LDB2: variants seen among roughly 807,000 people sequenced by gnomAD.
LDB2 encodes LIM domain binding 2, also known as LIM domain-binding protein 2.
A neutral mutation model predicts 44.3 loss-of-function variants in LDB2; 12 were observed. The ratio of observed to expected loss-of-function variants is 0.27; its 90% confidence interval spans 0.17 to 0.44. The LOEUF is 0.44. Ranked by LOEUF, LDB2 falls within the 20% of genes least tolerant of loss-of-function variation. The pLI is 1.00. For missense variants in LDB2, 344 were observed against 473.5 expected (o/e 0.73, Z 2.54); for synonymous variants, 164 against 174.8 (o/e 0.94, Z 0.49).
At chr4:16,891,417 A>G (rs138517327) in intron 1 of LDB2, among the ~76,000 whole-genome samples, 2,061 of 148,446 alleles carry the variant, frequency 0.014, 21 homozygotes, top group Middle Eastern at 0.052. Flanking sequence ...GGTTCAAACA[A>G]TTCTCCTGCC....
intron 4 of LDB2, among the ~76,000 whole-genome samples, chr4:16,586,951 A>T (rs757115818): frequency 3.9e-5 from 6 of 152,192 alleles, no homozygotes; most frequent in Non-Finnish European, 8.8e-5. Context: ...GCCTTTTCTC[A>T]TAGTGATACT....
intron 5 of LDB2, among the ~76,000 whole-genome samples, chr4:16,550,919 T>C (rs1255923216): frequency 1.3e-5 from 2 of 152,232 alleles, no homozygotes; most frequent in East Asian, 3.8e-4. Flanking sequence ...AACTCCTTGC[T>C]GTACTTAAAT....
chr4:16,518,351 G>A (rs879448176), intron 5 of LDB2, among the ~76,000 whole-genome samples: 8 of 152,130 alleles, frequency 5.3e-5, no homozygotes, highest in Non-Finnish European at 7.4e-5. Context: ...CCCAATCTAG[G>A]CTCTGTCTAC....
rs534998254 is a variant in LDB2 at position 16,614,793 on chromosome 4, G to A, written c.236-18918C>T. On this transcript the variant is annotated intron_variant, in intron 2 of 7. Transcript: ENST00000304523. ...ATTAGTAAAAAGTCAAGAAACGGCC[G>A]GGCGCGGTGGCTCACGCCTGTAATC... Among the ~76,000 whole-genome samples, 28 of 151,948 alleles carry A rather than the reference G, an allele frequency of 1.8e-4. No homozygotes were observed. The South Asian group carries it at 3.5e-3, about 19-fold the overall frequency.
At chr4:16,625,934 C>T (rs1730175386) in intron 2 of LDB2, among the ~76,000 whole-genome samples, 2 of 152,136 alleles carry the variant, frequency 1.3e-5, no homozygotes, top group South Asian at 4.1e-4. Context: ...CTGGACCATC[C>T]TGTCCAACAC....
chr4:16,681,618 CTTTTTTTTTT>C (rs536589787), intron 2 of LDB2, among the ~76,000 whole-genome samples: 1 of 61,670 alleles, frequency 1.6e-5, no homozygotes. Context: ...GTATTCTATT[CTTTTTTTTTT>C]TTTTTTTTTT....
chr4:16,677,016 T>C (rs554934717), intron 2 of LDB2, among the ~76,000 whole-genome samples: 1 of 152,274 alleles, frequency 6.6e-6, no homozygotes, highest in East Asian at 1.9e-4. Flanking sequence ...TTAAAAGCAG[T>C]GAATTTGAGA....
intron 1 of LDB2, among the ~76,000 whole-genome samples, chr4:16,829,159 A>G (rs1783598082): frequency 1.3e-5 from 2 of 152,214 alleles, no homozygotes; most frequent in Admixed American, 1.3e-4. Flanking sequence ...GGATCCAGGA[A>G]AAAAGAACTC....
At chr4:16,591,064 C>T (rs1282135427) in intron 3 of LDB2, among the ~76,000 whole-genome samples, 1 of 152,190 alleles carries the variant, frequency 6.6e-6, no homozygotes, top group African/African-American at 2.4e-5. Context: ...GACAAAAACA[C>T]GACAGGGATT....
intron 2 of LDB2, among the ~76,000 whole-genome samples, chr4:16,645,626 A>G (rs1181965319): frequency 1.3e-5 from 2 of 152,052 alleles, no homozygotes; most frequent in Non-Finnish European, 2.9e-5. Context: ...ACCTACTTAC[A>G]CTCAAAGAAA....
intron 5 of LDB2, among the ~76,000 whole-genome samples, chr4:16,555,919 C>T (rs1739411359): frequency 6.6e-6 from 1 of 152,186 alleles, no homozygotes; most frequent in Admixed American, 6.5e-5. Flanking sequence ...ATGCTCCAGC[C>T]ATGGCCCTTC....
intron 1 of LDB2, among the ~76,000 whole-genome samples, chr4:16,864,833 G>A (rs1714105141): frequency 6.6e-6 from 1 of 152,146 alleles, no homozygotes; most frequent in Non-Finnish European, 1.5e-5. Context: ...GCTGAGGCAG[G>A]AGAATCACTT....
intron 3 of LDB2, among the ~76,000 whole-genome samples, chr4:16,589,669 T>G (rs1406594810): frequency 2.0e-5 from 3 of 152,154 alleles, no homozygotes; most frequent in Non-Finnish European, 4.4e-5. Context: ...GAAAGTGCTA[T>G]GCAATCACGA....
intron 5 of LDB2, among the ~76,000 whole-genome samples, chr4:16,525,993 G>A (rs1313721035): frequency 2.0e-5 from 3 of 152,192 alleles, no homozygotes; most frequent in Non-Finnish European, 2.9e-5. Flanking sequence ...GAATTGTCCA[G>A]GTGGTCCCAA....
intron 2 of LDB2, among the ~76,000 whole-genome samples, chr4:16,675,176 A>G (rs1288938999): frequency 6.6e-6 from 1 of 152,200 alleles, no homozygotes; most frequent in Admixed American, 6.5e-5. Flanking sequence ...AGCTTTCCCC[A>G]ATGGCAACAT....
chr4:16,684,046 T>A (rs1748613280), intron 2 of LDB2, among the ~76,000 whole-genome samples: 2 of 152,332 alleles, frequency 1.3e-5, no homozygotes, highest in South Asian at 4.1e-4. Context: ...GGCATTATAG[T>A]TCCTGAATGG....
chr4:16,809,509 T>G (rs1378995068), intron 1 of LDB2, among the ~76,000 whole-genome samples: 2 of 152,142 alleles, frequency 1.3e-5, no homozygotes, highest in African/African-American at 4.8e-5. Flanking sequence ...GACCTTTGAC[T>G]CCACACTTCA....
intron 2 of LDB2, among the ~76,000 whole-genome samples, chr4:16,723,451 G>C (rs987824817): frequency 3.3e-5 from 5 of 152,036 alleles, no homozygotes; most frequent in Admixed American, 6.6e-5. Context: ...CATTGGTGAG[G>C]GTACAGCCCC....
chr4:16,878,673 G>A (rs1719131481), intron 1 of LDB2, among the ~76,000 whole-genome samples: 2 of 152,264 alleles, frequency 1.3e-5, no homozygotes, highest in South Asian at 2.1e-4. Context: ...AGTCAAACAC[G>A]GTCTGACCCC....
Sources: gnomAD v4.1 joint callset for allele counts (sites outside exome capture counted in the v4.1 genomes callset) on GRCh38, gnomAD v4.1.1 for gene constraint, MANE v1.5 for transcripts, NCBI Gene and HGNC (gene_info 2026-07-23, HGNC 2026-07-21) for gene names.